The following CNIH3 variants were observed in gnomAD, a reference collection of about 807,000 sequenced individuals.
CNIH3 encodes protein cornichon homolog 3.
CNIH3 carries 14 observed loss-of-function variants against 24.1 expected under a neutral mutation model. The ratio of observed to expected loss-of-function variants is 0.58; its 90% CI spans 0.38 to 0.91. The LOEUF (loss-of-function observed/expected upper bound fraction) is 0.91, where lower values mean the gene tolerates loss of function less well. Among genes scored for constraint, CNIH3 ranks in the 40% least tolerant of loss-of-function variants. CNIH3 has a pLI of 0.00. For missense variants in CNIH3, 178 were observed against 196.8 expected, an observed-to-expected ratio of 0.90 and a Z score of 0.57; for synonymous variants, 68 against 73.8, an observed-to-expected ratio of 0.92 and a Z score of 0.40.
chr1:224,481,603 A>G (rs1168630340), intron 1 of CNIH3, among the ~76,000 whole-genome samples: 3 of 152,086 alleles, frequency 2.0e-5, no homozygotes, highest in Non-Finnish European at 4.4e-5. Flanking sequence ...AATTCTCCCA[A>G]AGAGTTTCTC....
At chr1:224,726,504 G>A (rs1689029891) in intron 3 of CNIH3, among the ~76,000 whole-genome samples, 2 of 152,154 alleles carry the variant, frequency 1.3e-5, no homozygotes, top group Non-Finnish European at 2.9e-5. Flanking sequence ...AGTCCTTACC[G>A]GTTATCATTA....
rs982158525 is a variant in CNIH3, at chr1:224,695,348, C to G, written c.198+10505C>G. 3.1e-5 allele frequency among the ~76,000 whole-genome samples: 4 copies of G among 128,356 alleles called. No homozygotes were observed. In the East Asian group the frequency reaches 9.1e-4, roughly 29 times the overall value. 84.2% of individuals were successfully genotyped at this position (128,356 alleles called of 152,430 possible). ...CATGAGCCTGTTCCTTAAAATCTCT[C>G]TCTTTCTAAACACACACACACACAC... On this transcript the variant is annotated intron_variant, in intron 3 of 5. Coordinates refer to ENST00000272133, the MANE Select transcript of CNIH3 (RefSeq NM_152495.2).
intron 3 of CNIH3, among the ~76,000 whole-genome samples, chr1:224,690,223 CAG>C (rs769427091): frequency 2.0e-5 from 3 of 152,142 alleles, no homozygotes; most frequent in Non-Finnish European, 4.4e-5. Context: ...TTTTTTGAGA[CAG>C]AGTCTCACTT....
chr1:224,616,877 C>A lies in CNIH3; in HGVS notation c.-298C>A. 1 of 1,247,404 alleles carries A rather than the reference C, an allele frequency of 8.0e-7. No homozygotes were observed. The highest frequency in any genetic ancestry group is 2.6e-5 in the South Asian group (1 of 38,422). The allele number at this position is 1,247,404 out of a possible 1,614,324, so 77.3% of individuals were successfully genotyped here. A position where few individuals can be genotyped will look rare whatever the true frequency, so the allele number is the denominator to read the frequency against. ...GGGCTCACAGCTTGGCACTAATTTG[C>A]AGGTGTTCGCTGCTGATTTGGTTTC... On this transcript the variant is annotated 5_prime_UTR_variant, in exon 1 of 6. Transcript: ENST00000272133.
chr1:224,664,532 C>G (rs2125121575), intron 1 of CNIH3, among the ~76,000 whole-genome samples: 1 of 152,278 alleles, frequency 6.6e-6, no homozygotes. Flanking sequence ...CTACAACAAA[C>G]AGTTTAATGC....
intron 1 of CNIH3, among the ~76,000 whole-genome samples, chr1:224,465,092 C>G (rs1182521293): frequency 6.6e-6 from 1 of 151,882 alleles, no homozygotes; most frequent in Non-Finnish European, 1.5e-5. Context: ...AGGCACCCAG[C>G]CAAGATAGTT....
At chr1:224,738,094 T>C (rs1558354967) in intron 5 of CNIH3, among the ~76,000 whole-genome samples, 2 of 152,210 alleles carry the variant, frequency 1.3e-5, no homozygotes, top group Non-Finnish European at 2.9e-5. Flanking sequence ...ACCATGTTGG[T>C]TTCATTCACC....
chr1:224,683,794 G>A (rs893957345), intron 2 of CNIH3, among the ~76,000 whole-genome samples: 22 of 152,210 alleles, frequency 1.4e-4, no homozygotes, highest in African/African-American at 4.3e-4. Flanking sequence ...GAGCTAGTGC[G>A]TGTCTTGTAG....
intron 1 of CNIH3, among the ~76,000 whole-genome samples, chr1:224,654,073 C>A (rs568865417): frequency 6.6e-6 from 1 of 150,962 alleles, no homozygotes; most frequent in East Asian, 2.0e-4. Context: ...AGAGTGAGAC[C>A]CTGTTTAAAA....
At chr1:224,451,464 A>G (rs1244784334) in intron 1 of CNIH3, among the ~76,000 whole-genome samples, 1 of 152,208 alleles carries the variant, frequency 6.6e-6, no homozygotes, top group African/African-American at 2.4e-5. Context: ...TCTTGTGGTT[A>G]TGTTAACCGA....
chr1:224,662,984 G>A (rs1685433580), intron 1 of CNIH3, among the ~76,000 whole-genome samples: 1 of 152,086 alleles, frequency 6.6e-6, no homozygotes, highest in Non-Finnish European at 1.5e-5. Flanking sequence ...CACCACAGAA[G>A]AACATCATGT....
intron 3 of CNIH3, chr1:224,565,375 G>A (rs1316385438): frequency 6.6e-6 from 1 of 152,256 alleles, no homozygotes; most frequent in African/African-American, 2.4e-5. Flanking sequence ...TAGATGAGCT[G>A]TATGAGTCAG....
intron 3 of CNIH3, among the ~76,000 whole-genome samples, chr1:224,700,781 G>A (rs1401116726): frequency 6.6e-6 from 1 of 152,130 alleles, no homozygotes; most frequent in Non-Finnish European, 1.5e-5. Context: ...CTGTCCCCTG[G>A]ACCTAGATGG....
At chr1:224,717,970 G>A (rs1688514198) in intron 3 of CNIH3, among the ~76,000 whole-genome samples, 1 of 152,188 alleles carries the variant, frequency 6.6e-6, no homozygotes, top group Admixed American at 6.5e-5. Context: ...CTATGCTTGT[G>A]TGGGGAACGA....
chr1:224,673,702 A>G (rs1283379456), intron 1 of CNIH3, among the ~76,000 whole-genome samples: 1 of 151,914 alleles, frequency 6.6e-6, no homozygotes, highest in Admixed American at 6.6e-5. Context: ...TTCTGCCCTT[A>G]CCCTTGATTA....
chr1:224,648,899 G>C (rs2125102282), intron 1 of CNIH3, among the ~76,000 whole-genome samples: 1 of 152,328 alleles, frequency 6.6e-6, no homozygotes, highest in East Asian at 1.9e-4. Context: ...CCCCTTAGCA[G>C]AGAGGGAAAT....
chr1:224,698,901 A>G (rs998828635), intron 3 of CNIH3, among the ~76,000 whole-genome samples: 1 of 152,180 alleles, frequency 6.6e-6, no homozygotes, highest in Non-Finnish European at 1.5e-5. Context: ...GGTGACTGCT[A>G]CATGCTTTAC....
At chr1:224,705,394 G>A (rs1387411412) in intron 3 of CNIH3, among the ~76,000 whole-genome samples, 2 of 152,238 alleles carry the variant, frequency 1.3e-5, no homozygotes, top group Non-Finnish European at 2.9e-5. Context: ...CTTCATTCTT[G>A]GGAAGAGCCG....
chr1:224,500,301 T>C (rs1677601879), intron 1 of CNIH3, among the ~76,000 whole-genome samples: 1 of 152,126 alleles, frequency 6.6e-6, no homozygotes, highest in Non-Finnish European at 1.5e-5. Context: ...ACTGAGCCAC[T>C]GTGCCTGGCC....
Sources: gnomAD v4.1 joint callset for allele counts (sites outside exome capture counted in the v4.1 genomes callset) on GRCh38, gnomAD v4.1.1 for gene constraint, MANE v1.5 for transcripts, NCBI Gene and HGNC (gene_info 2026-07-23, HGNC 2026-07-21) for gene names.